IL10: variants seen among roughly 807,000 people sequenced by gnomAD.
The protein encoded by IL10 is interleukin-10.
Under a neutral mutation model 21.0 loss-of-function variants are expected in IL10, and 7 were observed. That is an observed-to-expected ratio of 0.33 (90% CI 0.19 to 0.63). The LOEUF (loss-of-function observed/expected upper bound fraction) is 0.63, where lower values mean the gene tolerates loss of function less well. Ranked by LOEUF, IL10 falls within the 20% of genes least tolerant of loss-of-function variation. IL10 has a pLI of 0.77. For missense variants in IL10, 161 were observed against 213.0 expected, an observed-to-expected ratio of 0.76 and a Z score of 1.52; for synonymous variants, 83 against 79.7, an observed-to-expected ratio of 1.04 and a Z score of -0.22.
Position 206,772,408 on chromosome 1 carries a change from G to T in IL10, c.28C>A (p.Leu10Met), listed in dbSNP as rs1200270622. Reference sequence around the variant, plus strand: ...GCCCTCACCCCAGTCAGGAGGACCAGGCAACAGAGCAGTGCTGAGCTGTGC... The same window carrying T: ...GCCCTCACCCCAGTCAGGAGGACCATGCAACAGAGCAGTGCTGAGCTGTGC... MHSSALLCC[L>M]VLLTGVRASP... The change falls in exon 1 of 5, where the codon CTG becomes ATG. Residue 10 changes from leucine to methionine, a missense_variant. Transcript: ENST00000423557. The T allele has an allele frequency of 6.2e-7, 1 of 1,614,222 alleles. No individual in the cohort carries two copies. The highest frequency in any genetic ancestry group is 8.5e-7 in the Non-Finnish European group (1 of 1,180,034).
At chr1:206,770,421 C>G (rs886855143) in intron 3 of IL10, 1 of 270,198 alleles carries the variant, frequency 3.7e-6, no homozygotes, top group Non-Finnish European at 7.2e-6. Context: ...CTCATAGACA[C>G]TAGCCTGGGG....
Position 206,771,036 on chromosome 1 carries a change from C to A in IL10, c.249G>T (p.Leu83Phe), listed in dbSNP as rs762750138. 2 of 1,614,144 alleles carry A rather than the reference C, an allele frequency of 1.2e-6. No individual in the cohort carries two copies. The highest frequency in any genetic ancestry group is 4.5e-5 in the East Asian group (2 of 44,886). The change falls in exon 3 of 5, where the codon TTG becomes TTT. Residue 83 changes from leucine (L) to phenylalanine (F), a missense_variant. By Grantham distance (22) the Leu-to-Phe change is conservative. Coordinates refer to ENST00000423557, the MANE Select transcript of IL10 (RefSeq NM_000572.3). The part of the protein sequence containing the change: ...DFKGYLGCQA[L>F]SEMIQFYLEE... ...CCAGGTAAAACTGGATCATCTCAGA[C>A]AAGGCTTGGCAACCCAGGTAACCCT...
intron 1 of IL10, among the ~76,000 whole-genome samples, chr1:206,771,795 G>A (rs941400857): frequency 6.6e-6 from 1 of 152,218 alleles, no homozygotes. Flanking sequence ...TAGACATCCA[G>A]TTTAGCTTGG....
rs1372191956 is a variant in IL10 at position 206,768,655 on chromosome 1, G to A, written c.518C>T (p.Thr173Ile). 1 of 1,601,848 alleles carries A rather than the reference G, an allele frequency of 6.2e-7. No individual in the cohort carries two copies. Among genetic ancestry groups the A allele is most frequent in the Non-Finnish European group, 8.6e-7 (1 of 1,168,810 alleles). ...IFINYIEAYM[T>I]MKIRN ...GATGTCTCAGTTTCGTATCTTCATT[G>A]TCATGTAGGCTTCTATGTAGTTGAT... is the stretch of plus-strand genomic sequence containing the variant. Residue 173 changes from threonine (T) to isoleucine (I), a missense_variant, in exon 5 of 5, where the codon ACA (threonine) becomes ATA (isoleucine). Physicochemically the swap from Thr to Ile is moderately conservative, Grantham distance 89. Transcript: ENST00000423557.
At position 206,770,397 on chromosome 1, in the gene IL10, A is replaced by T. The variant is rs1217518557; in HGVS notation, c.379-503T>A. 7 of 269,114 alleles carry T rather than the reference A, an allele frequency of 2.6e-5. No individual in the cohort carries two copies. The South Asian group carries it at 2.6e-4, about 10-fold the overall frequency. 16.7% of individuals were successfully genotyped at this position (269,114 alleles called of 1,614,324 possible). A position where few individuals can be genotyped will look rare whatever the true frequency, so the allele number is the denominator to read the frequency against. ...ATCATTTCAGTTGGAGAAATAAATTACCTGGAGGAATTACTCATAGACACT... is the reference window on the plus strand; with the variant it reads ...ATCATTTCAGTTGGAGAAATAAATTTCCTGGAGGAATTACTCATAGACACT... On this transcript the variant is annotated intron_variant, in intron 3 of 4. Coordinates refer to ENST00000423557, the MANE Select transcript of IL10 (RefSeq NM_000572.3).
chr1:206,768,492 A>C lies in IL10; in HGVS notation c.*144T>G, dbSNP rs1240507391. On this transcript the variant is annotated 3_prime_UTR_variant, in exon 5 of 5. Coordinates refer to ENST00000423557, the MANE Select transcript of IL10 (RefSeq NM_000572.3). ...AGTAAATAAATAGAAATGGGGGTTGAGGTATCAGAGGTAATAAATATTCTA... is the reference window on the plus strand; with the variant it reads ...AGTAAATAAATAGAAATGGGGGTTGCGGTATCAGAGGTAATAAATATTCTA... 4.7e-6 allele frequency: 3 copies of C among 644,448 alleles called. No homozygotes were observed. The highest frequency in any genetic ancestry group is 8.4e-6 in the Non-Finnish European group (3 of 356,438). 39.9% of individuals were successfully genotyped at this position (644,448 alleles called of 1,614,324 possible).
chr1:206,768,644 G>C lies in IL10; in HGVS notation c.529C>G (p.Arg177Gly), dbSNP rs142726516. ...GTCGCCACCCTGATGTCTCAGTTTC[G>C]TATCTTCATTGTCATGTAGGCTTCT... Reference protein sequence around the residue: ...YIEAYMTMKIRN With the variant: ...YIEAYMTMKIGN The change falls in exon 5 of 5, where the codon CGA becomes GGA. Residue 177 changes from arginine (R) to glycine (G), a missense_variant. Transcript: ENST00000423557. The C allele has an allele frequency of 6.3e-7, 1 of 1,589,558 alleles. No homozygotes were observed. Among genetic ancestry groups the C allele is most frequent in the Non-Finnish European group, 8.6e-7 (1 of 1,157,680 alleles).
Position 206,771,351 on chromosome 1 carries a change from C to T in IL10, c.225+5G>A. ...ACTCCCCCAGCACCCCGCCCCTGCTCTCACCTTAAAGTCCTCCAGCAAGGA... is the reference window on the plus strand; with the variant it reads ...ACTCCCCCAGCACCCCGCCCCTGCTTTCACCTTAAAGTCCTCCAGCAAGGA... On this transcript the variant is annotated splice_donor_5th_base_variant and intron_variant, in intron 2 of 4. Coordinates refer to ENST00000423557, the MANE Select transcript of IL10 (RefSeq NM_000572.3). The T allele has an allele frequency of 6.2e-7, 1 of 1,613,312 alleles. No individual in the cohort carries two copies. Among genetic ancestry groups the T allele is most frequent in the South Asian group, 1.1e-5 (1 of 91,056 alleles).
At chr1:206,770,647 G>A in intron 3 of IL10, 1 of 531,840 alleles carries the variant, frequency 1.9e-6, no homozygotes, top group East Asian at 3.3e-5. Flanking sequence ...AGAGAGGGGA[G>A]TAGTTAATAA....
At chr1:206,770,444 C>G (rs2102438576) in intron 3 of IL10, 1 of 267,100 alleles carries the variant, frequency 3.7e-6, no homozygotes, top group Non-Finnish European at 7.3e-6. Flanking sequence ...GAATAGCCCC[C>G]TTGTCCCTTC....
intron 3 of IL10, 119 bp downstream of exon 3, chr1:206,770,788 A>T: frequency 9.8e-7 from 1 of 1,015,404 alleles, no homozygotes; most frequent in Non-Finnish European, 1.6e-6. Context: ...TTCCTCATTT[A>T]CAGCTAGCTC....
In IL10 at chr1:206,771,154, C is replaced by T. The variant is rs752079099; in HGVS notation, c.226-95G>A. The T allele has an allele frequency of 2.3e-4, 319 of 1,410,788 alleles. No individual in the cohort carries two copies. The Middle Eastern group carries it at 3.7e-3, about 17-fold the overall frequency. 87.4% of individuals were successfully genotyped at this position (1,410,788 alleles called of 1,614,324 possible). A position where few individuals can be genotyped will look rare whatever the true frequency, so the allele number is the denominator to read the frequency against. On this transcript the variant is annotated intron_variant, in intron 2 of 4. Coordinates refer to ENST00000423557, the MANE Select transcript of IL10 (RefSeq NM_000572.3). ...GCTTAAGAGGACAGCTTGGTTCTAG[C>T]GATCCTCCTTCACCAGAAGCCTCCC...
At chr1:206,772,155 A>C in intron 1 of IL10, 116 bp downstream of exon 1, 1 of 885,260 alleles carries the variant, frequency 1.1e-6, no homozygotes, top group South Asian at 1.4e-5. Flanking sequence ...AGTTTGGGGG[A>C]ATAGGTGTTG....
Position 206,770,887 on chromosome 1 carries a change from A to G in IL10, c.378+20T>C. ...TATTTTGGGGGCAGCTGCAAGGGAA[A>G]AAACTGATCTGCTACTTACACAGCG... On this transcript the variant is annotated intron_variant, in intron 3 of 4. Coordinates refer to ENST00000423557, the MANE Select transcript of IL10 (RefSeq NM_000572.3). The G allele has an allele frequency of 6.2e-7, 1 of 1,613,616 alleles. No individual in the cohort carries two copies. Among genetic ancestry groups the G allele is most frequent in the Non-Finnish European group, 8.5e-7 (1 of 1,179,540 alleles).
intron 2 of IL10, 96 bp from the exon 3 acceptor site, chr1:206,771,155 G>T (rs914866462): frequency 9.3e-6 from 13 of 1,401,702 alleles, no homozygotes; most frequent in African/African-American, 1.4e-5. Flanking sequence ...TGGTTCTAGC[G>T]ATCCTCCTTC....
chr1:206,769,785 T>C (rs757387105), intron 4 of IL10, 44 bp downstream of exon 4: 5 of 1,475,660 alleles, frequency 3.4e-6, no homozygotes, highest in Non-Finnish European at 4.7e-6. Context: ...GGAGTGGGCA[T>C]GGGTTGTGCT....
At chr1:206,771,638 C>T (rs914967505) in intron 1 of IL10, among the ~76,000 whole-genome samples, 5 of 152,066 alleles carry the variant, frequency 3.3e-5, no homozygotes, top group African/African-American at 1.2e-4. Context: ...AAAAATCTGG[C>T]CGATTTTGAA....
At chr1:206,772,216 G>A (rs1674871072) in intron 1 of IL10, 55 bp downstream of exon 1, 1 of 1,490,614 alleles carries the variant, frequency 6.7e-7, no homozygotes, top group Admixed American at 1.7e-5. Context: ...CCAGGAGAAT[G>A]TCTAGTTCAG....
At chr1:206,769,737 C>T in intron 4 of IL10, 92 bp downstream of exon 4, 1 of 960,820 alleles carries the variant, frequency 1.0e-6, no homozygotes, top group East Asian at 2.4e-5. Context: ...AGAATGGGGC[C>T]TATTGAGTCC....
Sources: allele counts gnomAD v4.1 joint callset (sites outside exome capture counted in the v4.1 genomes callset), GRCh38; gene constraint gnomAD v4.1.1; transcripts MANE v1.5; gene names NCBI Gene and HGNC (gene_info 2026-07-23, HGNC 2026-07-21).